Variants in RMP64 observed in about 807,000 individuals in gnomAD.
RMP64 encodes nucleolus and neural progenitor protein.
At chr3:113,013,872 C>T in the RMP64 span, 3 of 1,001,864 alleles carry the variant, frequency 3.0e-6, no homozygotes, top group Non-Finnish European at 4.8e-6. Context: ...CAACAGCAAG[C>T]ATAGAGAAAT....
the RMP64 span, among the ~76,000 whole-genome samples, chr3:113,018,434 G>A: frequency 1.3e-5 from 2 of 152,212 alleles, no homozygotes; most frequent in Admixed American, 1.3e-4. Context: ...AAAGTGTGTA[G>A]GAAGGATAGA....
chr3:113,012,762 C>G, the RMP64 span: 1 of 1,608,166 alleles, frequency 6.2e-7, no homozygotes, highest in Non-Finnish European at 8.5e-7. Flanking sequence ...CCAACCATCA[C>G]AAGGTTTAAA....
At chr3:113,008,048 A>G in the RMP64 span, 1 of 767,908 alleles carries the variant, frequency 1.3e-6, no homozygotes, top group South Asian at 1.8e-5. Flanking sequence ...CAGTTTGAGT[A>G]CATCCCAATT....
the RMP64 span, chr3:113,008,576 C>T: frequency 4.6e-5 from 30 of 658,882 alleles, 1 homozygote; most frequent in South Asian, 4.6e-4. Flanking sequence ...ACCCCATTTA[C>T]CCTGTGGTTA....
At chr3:113,009,869 G>T in the RMP64 span, among the ~76,000 whole-genome samples, 3 of 151,868 alleles carry the variant, frequency 2.0e-5, no homozygotes, top group Non-Finnish European at 4.4e-5. Context: ...ATGGAAGCTG[G>T]AGTCCTTAAG....
the RMP64 span, chr3:113,009,565 T>C: frequency 2.6e-5 from 4 of 152,136 alleles, no homozygotes; most frequent in African/African-American, 9.7e-5. Flanking sequence ...TGAGATACAG[T>C]TGAAAAACTG....
the RMP64 span, chr3:113,012,805 A>C: frequency 1.3e-6 from 2 of 1,595,076 alleles, no homozygotes; most frequent in Non-Finnish European, 1.7e-6. Flanking sequence ...GATGTTTCAC[A>C]GTCAAACTGG....
the RMP64 span, among the ~76,000 whole-genome samples, chr3:113,016,922 G>A: frequency 6.6e-6 from 1 of 152,324 alleles, no homozygotes; most frequent in African/African-American, 2.4e-5. Flanking sequence ...CCCCTGAGCT[G>A]GAGGGCCCAA....
At chr3:113,018,893 T>C in the RMP64 span, among the ~76,000 whole-genome samples, 1 of 152,172 alleles carries the variant, frequency 6.6e-6, no homozygotes, top group Admixed American at 6.5e-5. Context: ...GTAGAGCTAG[T>C]ATTCAAACCC....
chr3:113,008,380 C>T, the RMP64 span: 7 of 1,613,396 alleles, frequency 4.3e-6, no homozygotes, highest in Non-Finnish European at 5.9e-6. Flanking sequence ...GAGAAGAATA[C>T]TTGGTTGTCT....
the RMP64 span, chr3:113,010,749 A>G: frequency 3.4e-6 from 5 of 1,482,386 alleles, no homozygotes; most frequent in African/African-American, 4.2e-5. Context: ...TAGGCATACT[A>G]TTTTCAAATC....
At chr3:113,011,451 T>C in the RMP64 span, 2 of 1,500,646 alleles carry the variant, frequency 1.3e-6, no homozygotes, top group Non-Finnish European at 1.8e-6. Flanking sequence ...GTAATTACAA[T>C]TTGCAGATTA....
At chr3:113,019,650 G>T in the RMP64 span, 139 of 1,611,398 alleles carry the variant, frequency 8.6e-5, 1 homozygote, top group Middle Eastern at 8.2e-4. Context: ...GCCATCATGC[G>T]AGGCGGGGGG....
the RMP64 span, among the ~76,000 whole-genome samples, chr3:113,018,377 AGTT>A: frequency 9.3e-4 from 141 of 152,280 alleles, 3 homozygotes; most frequent in South Asian, 0.027. Flanking sequence ...GCCTAATAGG[AGTT>A]GTTAAAGAAT....
chr3:113,013,451 G>GTTT, the RMP64 span: 1 of 1,260,854 alleles, frequency 7.9e-7, no homozygotes, highest in East Asian at 2.8e-5. Context: ...AAAAAAAAGG[G>GTTT]TTTTTTTTTT....
chr3:113,015,148 T>C, the RMP64 span: 5 of 152,256 alleles, frequency 3.3e-5, no homozygotes, highest in African/African-American at 1.2e-4. Context: ...TGCAGTCCCA[T>C]GCTGCCCTTT....
At chr3:113,008,378 T>C in the RMP64 span, 3 of 1,613,418 alleles carry the variant, frequency 1.9e-6, no homozygotes, top group Non-Finnish European at 2.5e-6. Context: ...CTGAGAAGAA[T>C]ACTTGGTTGT....
the RMP64 span, chr3:113,009,625 C>T: frequency 6.6e-6 from 1 of 152,176 alleles, no homozygotes; most frequent in African/African-American, 2.4e-5. Flanking sequence ...AACCATACTG[C>T]CTGCATTCAA....
chr3:113,013,286 G>T, the RMP64 span: 1 of 1,613,472 alleles, frequency 6.2e-7, no homozygotes, highest in Non-Finnish European at 8.5e-7. Context: ...AAGTTTTGCA[G>T]CAGCAGTCCA....
Sources: allele counts gnomAD v4.1 joint callset (sites outside exome capture counted in the v4.1 genomes callset), GRCh38; gene constraint gnomAD v4.1.1; transcripts MANE v1.5; gene names NCBI Gene and HGNC (gene_info 2026-07-23, HGNC 2026-07-21).